ZNF516: variants seen among roughly 807,000 people sequenced by gnomAD.
The protein encoded by ZNF516 is zinc finger protein 516.
Under a neutral mutation model 79.7 loss-of-function variants are expected in ZNF516, and 19 were observed. That is an observed-to-expected ratio of 0.24 (90% confidence interval 0.17 to 0.35). The LOEUF is 0.35. Ranked by LOEUF, ZNF516 falls within the 10% of genes least tolerant of loss-of-function variation. The pLI is 1.00. For synonymous variants in ZNF516, 877 were observed against 739.5 expected (o/e 1.19, Z -3.02); for missense variants, 1,678 against 1,679.5 (o/e 1.00, Z 0.02).
chr18:76,464,205 T>C (rs112395603), intron 1 of ZNF516, among the ~76,000 whole-genome samples: 54 of 152,234 alleles, frequency 3.5e-4, no homozygotes, highest in African/African-American at 1.1e-3. Context: ...ATTTTTAATG[T>C]ACTAAAGGTA....
chr18:76,429,263 G>A (rs2075632705), intron 3 of ZNF516, among the ~76,000 whole-genome samples: 1 of 152,224 alleles, frequency 6.6e-6, no homozygotes, highest in African/African-American at 2.4e-5. Context: ...AGGTGTGTGG[G>A]GAGCAACAAT....
intron 1 of ZNF516, among the ~76,000 whole-genome samples, chr18:76,480,522 C>CATAT (rs1252808028): frequency 4.6e-4 from 45 of 97,448 alleles, no homozygotes; most frequent in African/African-American, 2.0e-3. Context: ...CACACACACA[C>CATAT]ACATATATTT....
chr18:76,423,102 G>A (rs947079389), intron 3 of ZNF516, among the ~76,000 whole-genome samples: 1 of 152,114 alleles, frequency 6.6e-6, no homozygotes, highest in African/African-American at 2.4e-5. Context: ...CTCTGCAGCT[G>A]GCAGCACAAT....
intron 1 of ZNF516, among the ~76,000 whole-genome samples, chr18:76,482,534 G>A (rs1914585673): frequency 6.6e-6 from 1 of 152,172 alleles, no homozygotes; most frequent in African/African-American, 2.4e-5. Flanking sequence ...CCAACTGTCG[G>A]CTAACATTTA....
intron 2 of ZNF516, among the ~76,000 whole-genome samples, chr18:76,457,387 G>C (rs1912795515): frequency 6.6e-6 from 1 of 152,176 alleles, no homozygotes; most frequent in Admixed American, 6.5e-5. Flanking sequence ...AACTAAATAA[G>C]AAATCTTCCA....
intron 1 of ZNF516, among the ~76,000 whole-genome samples, chr18:76,474,404 A>G (rs1477491124): frequency 6.6e-6 from 1 of 152,198 alleles, no homozygotes; most frequent in Non-Finnish European, 1.5e-5. Context: ...GTACCATGAC[A>G]CTAAAAATTA....
intron 4 of ZNF516, among the ~76,000 whole-genome samples, chr18:76,377,376 G>C (rs1407231234): frequency 6.6e-6 from 1 of 152,280 alleles, no homozygotes; most frequent in Non-Finnish European, 1.5e-5. Flanking sequence ...AGGTTGGCTG[G>C]AGTAAGGCCT....
chr18:76,384,489 T>A (rs552297948), intron 3 of ZNF516, among the ~76,000 whole-genome samples: 38 of 78,120 alleles, frequency 4.9e-4, no homozygotes, highest in African/African-American at 1.9e-3. Context: ...CCTTTCTCCA[T>A]GGCCCCCATA....
At chr18:76,429,513 T>C (rs902504808) in intron 3 of ZNF516, among the ~76,000 whole-genome samples, 2 of 151,948 alleles carry the variant, frequency 1.3e-5, no homozygotes, top group Non-Finnish European at 2.9e-5. Context: ...GGAACAGAGG[T>C]GCCCACAGTG....
At chr18:76,458,789 G>A (rs1323531369) in intron 2 of ZNF516, among the ~76,000 whole-genome samples, 5 of 147,858 alleles carry the variant, frequency 3.4e-5, no homozygotes, top group Non-Finnish European at 3.0e-5. Flanking sequence ...GTGCCTCACC[G>A]TCGTGCGTGT....
chr18:76,437,027 A>G (rs1466279878), intron 3 of ZNF516, among the ~76,000 whole-genome samples: 1 of 149,958 alleles, frequency 6.7e-6, no homozygotes, highest in South Asian at 2.1e-4. Context: ...AGATTGTGCC[A>G]CTGCACTCCA....
chr18:76,450,058 T>C (rs370441082), intron 2 of ZNF516, among the ~76,000 whole-genome samples: 1 of 151,950 alleles, frequency 6.6e-6, no homozygotes, highest in East Asian at 1.9e-4. Context: ...AAGCTGGTAA[T>C]ATAGGAGAGT....
chr18:76,465,225 G>A (rs532342120), intron 1 of ZNF516, among the ~76,000 whole-genome samples: 2 of 152,342 alleles, frequency 1.3e-5, no homozygotes, highest in African/African-American at 4.8e-5. Context: ...GGCCACAGGG[G>A]TTGAGACCAA....
intron 3 of ZNF516, among the ~76,000 whole-genome samples, chr18:76,438,475 T>G (rs1219095503): frequency 6.6e-6 from 1 of 152,236 alleles, no homozygotes; most frequent in East Asian, 1.9e-4. Flanking sequence ...TTTCTGTCCA[T>G]GCCACGTCTC....
At chr18:76,364,737 G>A (rs1000866351) in intron 6 of ZNF516, among the ~76,000 whole-genome samples, 3 of 152,202 alleles carry the variant, frequency 2.0e-5, no homozygotes, top group Non-Finnish European at 4.4e-5. Flanking sequence ...TCAGAGGGAG[G>A]TCAGCCTGTA....
Position 76,379,713 on chromosome 18 carries a change from T to C in ZNF516, c.2401A>G (p.Lys801Glu), listed in dbSNP as rs2145029194. 6.2e-7 allele frequency: 1 copy of C among 1,613,818 alleles called. No individual in the cohort carries two copies. Among genetic ancestry groups the C allele is most frequent in the East Asian group, 2.2e-5 (1 of 44,872 alleles). The change falls in exon 4 of 7, where the codon AAA becomes GAA. Residue 801 changes from lysine (K) to glutamate (E), a missense_variant. Lys to Glu is a moderately conservative substitution (Grantham distance 56). This residue lies in a region of ZNF516 where 1,294 missense variants were observed against 1,248.3 expected (regional missense o/e 1.04). Coordinates refer to ENST00000443185, the MANE Select transcript of ZNF516 (RefSeq NM_014643.4). ...AAAACCAAATTGCTTCTGATGCTTT[T>C]GTAACCATTGGGCTGAATCCACGGG... ...APPWIQPNGYKSIRSNLVFLS... is the reference protein window; with the variant it reads ...APPWIQPNGYESIRSNLVFLS...
At chr18:76,444,719 G>A (rs1911937426) in intron 2 of ZNF516, among the ~76,000 whole-genome samples, 2 of 152,210 alleles carry the variant, frequency 1.3e-5, no homozygotes, top group Admixed American at 1.3e-4. Flanking sequence ...ATCAGTGTCG[G>A]TGTCAAGAGT....
At chr18:76,374,468 G>A (rs1054134489) in intron 4 of ZNF516, among the ~76,000 whole-genome samples, 3 of 152,118 alleles carry the variant, frequency 2.0e-5, no homozygotes, top group African/African-American at 7.2e-5. Context: ...TTCCTGTTTG[G>A]GTAGAGTTTT....
intron 3 of ZNF516, among the ~76,000 whole-genome samples, chr18:76,394,970 G>C (rs1420670903): frequency 6.6e-6 from 1 of 152,144 alleles, no homozygotes; most frequent in African/African-American, 2.4e-5. Flanking sequence ...AGAACCGGAT[G>C]ATATCCCAGG....
Sources: allele counts gnomAD v4.1 joint callset (sites outside exome capture counted in the v4.1 genomes callset), GRCh38; gene constraint gnomAD v4.1.1; regional missense constraint gnomAD v4.1.1; transcripts MANE v1.5; gene names NCBI Gene and HGNC (gene_info 2026-07-23, HGNC 2026-07-21).